SEC24D: variants seen among roughly 807,000 people sequenced by gnomAD.
The protein encoded by SEC24D is SEC24 homolog D, COPII component.
In SEC24D, 69 loss-of-function variants were observed where a neutral mutation model predicts 116.9. The observed-to-expected ratio is 0.59, with a 90% CI of 0.49 to 0.72. The LOEUF (loss-of-function observed/expected upper bound fraction) is 0.72. SEC24D is among the 30% of genes least tolerant of loss of function. The pLI, the probability that SEC24D is intolerant of heterozygous loss-of-function variation, is 0.00. For synonymous variants in SEC24D, 405 were observed against 442.8 expected (o/e 0.91, Z 1.07); for missense variants, 1,131 against 1,264.1 (o/e 0.89, Z 1.60).
chr4:118,740,909 G>A (rs1209608600), intron 16 of SEC24D, 32 bp downstream of exon 16: 1 of 1,583,956 alleles, frequency 6.3e-7, no homozygotes, highest in South Asian at 1.1e-5. Context: ...TTATTCAAGA[G>A]AGACCCGAAG....
intron 8 of SEC24D, among the ~76,000 whole-genome samples, chr4:118,785,653 T>C (rs893147886): frequency 6.6e-6 from 1 of 152,206 alleles, no homozygotes; most frequent in Admixed American, 6.5e-5. Context: ...ATAATTTGAA[T>C]AATAAGAAAC....
At chr4:118,817,842 C>T (rs1299727562) in intron 3 of SEC24D, among the ~76,000 whole-genome samples, 1 of 152,040 alleles carries the variant, frequency 6.6e-6, no homozygotes, top group Non-Finnish European at 1.5e-5. Flanking sequence ...AATTCAAGAC[C>T]AGCCTGGGCA....
At chr4:118,817,756 C>G (rs1730215255) in intron 3 of SEC24D, among the ~76,000 whole-genome samples, 1 of 152,100 alleles carries the variant, frequency 6.6e-6, no homozygotes, top group Non-Finnish European at 1.5e-5. Flanking sequence ...GAAAACAATA[C>G]AGCCAGGAGC....
intron 3 of SEC24D, among the ~76,000 whole-genome samples, chr4:118,823,412 G>C (rs963205634): frequency 6.6e-6 from 1 of 152,192 alleles, no homozygotes; most frequent in Non-Finnish European, 1.5e-5. Flanking sequence ...GAGGACTATA[G>C]GCTTCATGAA....
chr4:118,770,739 TG>T (rs1727861826), intron 8 of SEC24D, among the ~76,000 whole-genome samples: 2 of 152,190 alleles, frequency 1.3e-5, no homozygotes, highest in Non-Finnish European at 2.9e-5. Flanking sequence ...AAAATTACTG[TG>T]AAATTGTCGG....
chr4:118,782,798 C>A (rs1478464273), intron 8 of SEC24D, among the ~76,000 whole-genome samples: 1 of 152,190 alleles, frequency 6.6e-6, no homozygotes, highest in Admixed American at 6.5e-5. Flanking sequence ...CTACTCAAGC[C>A]TCAGCAATGG....
intron 2 of SEC24D, chr4:118,825,398 T>C: frequency 2.8e-6 from 1 of 358,084 alleles, no homozygotes. Context: ...CTTCTGGGAA[T>C]GTCTGTGTTT....
intron 8 of SEC24D, among the ~76,000 whole-genome samples, chr4:118,779,636 T>C (rs1233990015): frequency 2.0e-5 from 3 of 152,176 alleles, no homozygotes; most frequent in Non-Finnish European, 2.9e-5. Context: ...TTAGGGAGGA[T>C]TCCCTCTTTT....
chr4:118,744,476 C>T lies in SEC24D; in HGVS notation c.1825-318G>A, dbSNP rs571969595. On this transcript the variant is annotated intron_variant, in intron 14 of 22. Coordinates refer to ENST00000280551, the MANE Select transcript of SEC24D (RefSeq NM_014822.4). ...TTAGATGAGGCAACTTGTGTGTTGC[C>T]GTGTAACCACTAGTTGGGTCCCTAT... 3.3e-5 allele frequency among the ~76,000 whole-genome samples: 5 copies of T among 152,306 alleles called. No individual in the cohort carries two copies. The South Asian group carries it at 6.2e-4, about 19-fold the overall frequency.
chr4:118,724,747 G>A (rs986044179), intron 22 of SEC24D, among the ~76,000 whole-genome samples: 4 of 152,132 alleles, frequency 2.6e-5, no homozygotes, highest in South Asian at 2.1e-4. Flanking sequence ...AGGAAGTCAA[G>A]GTAGATGATC....
chr4:118,744,910 T>A (rs765216925), intron 14 of SEC24D, 34 bp downstream of exon 14: 1 of 1,164,732 alleles, frequency 8.6e-7, no homozygotes, highest in Non-Finnish European at 1.3e-6. Context: ...CTCTTAATAA[T>A]TGACATATGG....
At position 118,833,581 on chromosome 4, in the gene SEC24D, G is replaced by C; in HGVS notation, c.116C>G (p.Thr39Arg). Residue 39 changes from threonine to arginine, a missense_variant and splice_region_variant, in exon 2 of 23, where the codon ACA becomes AGA. Physicochemically the swap from Thr to Arg is moderately conservative, Grantham distance 71 (BLOSUM62 -1). Transcript: ENST00000280551. ...CAAGTCAAAATAACACACTGTACCTGTTGGAGATGCTGTGTGCGACGGATC... is the reference window on the plus strand; with the variant it reads ...CAAGTCAAAATAACACACTGTACCTCTTGGAGATGCTGTGTGCGACGGATC... ...YGDPSHTASP[T>R]GMMKPAGPLG... 1 of 1,595,292 alleles carries C rather than the reference G, an allele frequency of 6.3e-7. No individual in the cohort carries two copies. Among genetic ancestry groups the C allele is most frequent in the Non-Finnish European group, 8.6e-7 (1 of 1,163,276 alleles).
At chr4:118,778,837 C>T (rs1238009722) in intron 8 of SEC24D, among the ~76,000 whole-genome samples, 2 of 152,086 alleles carry the variant, frequency 1.3e-5, no homozygotes, top group Admixed American at 1.3e-4. Context: ...AAGTTGGATT[C>T]CTAGGTATTT....
At chr4:118,801,252 A>G (rs1453374666) in intron 7 of SEC24D, among the ~76,000 whole-genome samples, 1 of 148,752 alleles carries the variant, frequency 6.7e-6, no homozygotes, top group East Asian at 2.0e-4. Context: ...ACAGAGCAAG[A>G]CTCCATCTCA....
intron 3 of SEC24D, among the ~76,000 whole-genome samples, chr4:118,820,131 A>G (rs1202943792): frequency 6.6e-6 from 1 of 152,080 alleles, no homozygotes; most frequent in South Asian, 2.1e-4. Flanking sequence ...CCTCACATAA[A>G]TGAGGGAAGA....
chr4:118,780,133 G>T (rs562035475), intron 8 of SEC24D, among the ~76,000 whole-genome samples: 9 of 152,100 alleles, frequency 5.9e-5, no homozygotes, highest in African/African-American at 2.2e-4. Flanking sequence ...GTTATTCCTT[G>T]CCTTCTGCTA....
chr4:118,747,501 G>T (rs1017721057), intron 13 of SEC24D, among the ~76,000 whole-genome samples: 15 of 151,992 alleles, frequency 9.9e-5, no homozygotes, highest in Middle Eastern at 3.4e-3. Flanking sequence ...CCCAACCTCA[G>T]GTGATCCGCC....
Position 118,727,679 on chromosome 4 carries a change from G to A in SEC24D, c.2958+882C>T, listed in dbSNP as rs115440271. On this transcript the variant is annotated intron_variant, in intron 22 of 22. Transcript: ENST00000280551. ...GTGTAACCAAATCTTAAGAGAATGTGTTTAGTTTGAGCCTTGTCTGTCATC... is the reference window on the plus strand; with the variant it reads ...GTGTAACCAAATCTTAAGAGAATGTATTTAGTTTGAGCCTTGTCTGTCATC... 3.2e-3 allele frequency among the ~76,000 whole-genome samples: 490 copies of A among 151,970 alleles called. 1 individual carries two copies. The highest frequency in any genetic ancestry group is 0.02 in the Middle Eastern group (6 of 294).
chr4:118,787,841 C>T (rs1334074522), intron 8 of SEC24D, among the ~76,000 whole-genome samples: 2 of 152,060 alleles, frequency 1.3e-5, no homozygotes, highest in Admixed American at 6.6e-5. Context: ...AAATTAAAGT[C>T]GAGGTCTCAC....
Sources: gnomAD v4.1 joint callset for allele counts (sites outside exome capture counted in the v4.1 genomes callset) on GRCh38, gnomAD v4.1.1 for gene constraint, MANE v1.5 for transcripts, NCBI Gene and HGNC (gene_info 2026-07-23, HGNC 2026-07-21) for gene names.